The following GPC5 variants were observed in gnomAD, a reference collection of about 807,000 sequenced individuals.
GPC5 encodes glypican-5.
Under a neutral mutation model 53.9 loss-of-function variants are expected in GPC5, and 47 were observed. That is an observed-to-expected ratio of 0.87 (90% CI 0.69 to 1.11). The LOEUF is 1.11. Among genes scored for constraint, GPC5 ranks in the 50% most tolerant of loss-of-function variants. The probability of loss-of-function intolerance (pLI) is 0.00; values close to 1 mark genes in which losing one functional copy is unlikely to be tolerated. For missense variants in GPC5, 748 were observed against 713.1 expected, an observed-to-expected ratio of 1.05 and a Z score of -0.56; for synonymous variants, 286 against 263.3, an observed-to-expected ratio of 1.09 and a Z score of -0.84.
chr13:92,496,501 C>T (rs893552919), intron 7 of GPC5, among the ~76,000 whole-genome samples: 1 of 152,046 alleles, frequency 6.6e-6, no homozygotes, highest in Non-Finnish European at 1.5e-5. Flanking sequence ...ATCTGCCTGC[C>T]CTGGGTACCT....
chr13:91,695,028 A>G lies in GPC5; in HGVS notation c.1020+1147A>G, dbSNP rs112998832. On this transcript the variant is annotated intron_variant, in intron 3 of 7. Transcript: ENST00000377067. ...TCTTCCTAACCTTCAGGGACTTTCC[A>G]GGTCCTGCGTGAGCCTTTATGGTTC... 7.1e-3 allele frequency among the ~76,000 whole-genome samples: 1,085 copies of G among 152,306 alleles called. 14 individuals are homozygous for G. Among genetic ancestry groups the G allele is most frequent in the African/African-American group, 0.024 (992 of 41,572 alleles).
chr13:91,555,274 C>T (rs374406707), intron 2 of GPC5, among the ~76,000 whole-genome samples: 19 of 151,840 alleles, frequency 1.3e-4, no homozygotes, highest in East Asian at 3.9e-4. Context: ...ACATGATAGC[C>T]GATGTTTGAC....
At chr13:92,434,319 A>G (rs1355592740) in intron 7 of GPC5, among the ~76,000 whole-genome samples, 7 of 152,194 alleles carry the variant, frequency 4.6e-5, no homozygotes. Context: ...CAAGAAAAAA[A>G]TGTCTTGAAT....
At chr13:91,556,871 A>T (rs2030987300) in intron 2 of GPC5, among the ~76,000 whole-genome samples, 1 of 151,948 alleles carries the variant, frequency 6.6e-6, no homozygotes, top group Non-Finnish European at 1.5e-5. Context: ...GGTTCAGTAT[A>T]TACTGCTCGG....
chr13:92,371,596 G>T (rs921425493), intron 7 of GPC5, among the ~76,000 whole-genome samples: 1 of 152,116 alleles, frequency 6.6e-6, no homozygotes, highest in African/African-American at 2.4e-5. Flanking sequence ...GGAAACTTAT[G>T]ATCATGGTGG....
intron 4 of GPC5, among the ~76,000 whole-genome samples, chr13:91,732,575 T>A (rs1408348108): frequency 6.6e-6 from 1 of 152,196 alleles, no homozygotes; most frequent in Non-Finnish European, 1.5e-5. Context: ...GCTTTTGGTG[T>A]TTTTATCATG....
At chr13:92,567,228 G>T (rs1411927687) in intron 7 of GPC5, among the ~76,000 whole-genome samples, 1 of 152,044 alleles carries the variant, frequency 6.6e-6, no homozygotes, top group Non-Finnish European at 1.5e-5. Flanking sequence ...AATACTTTTG[G>T]CATTGTCTGC....
intron 5 of GPC5, among the ~76,000 whole-genome samples, chr13:91,850,540 T>C (rs896572404): frequency 6.6e-6 from 1 of 152,306 alleles, no homozygotes; most frequent in East Asian, 1.9e-4. Flanking sequence ...AGTCTGATCT[T>C]CCCTATTCTA....
At chr13:92,477,744 G>A (rs1879209247) in intron 7 of GPC5, among the ~76,000 whole-genome samples, 1 of 152,130 alleles carries the variant, frequency 6.6e-6, no homozygotes, top group Non-Finnish European at 1.5e-5. Context: ...CTGATACCTT[G>A]TAATAAAGGA....
At chr13:92,838,709 G>T (rs571683015) in intron 7 of GPC5, among the ~76,000 whole-genome samples, 2 of 151,848 alleles carry the variant, frequency 1.3e-5, no homozygotes, top group Admixed American at 6.6e-5. Context: ...TATGCCCAAG[G>T]ACATAAAGAA....
At chr13:92,460,197 A>T (rs1268686218) in intron 7 of GPC5, among the ~76,000 whole-genome samples, 1 of 152,180 alleles carries the variant, frequency 6.6e-6, no homozygotes, top group African/African-American at 2.4e-5. Flanking sequence ...ATACAAAACC[A>T]ATTACAGTGC....
chr13:91,483,358 C>A (rs746328854), intron 2 of GPC5, among the ~76,000 whole-genome samples: 4 of 152,294 alleles, frequency 2.6e-5, no homozygotes, highest in East Asian at 3.9e-4. Context: ...TGTCTTACAA[C>A]AATTAATCAA....
chr13:92,662,770 G>A (rs1363872862), intron 7 of GPC5, among the ~76,000 whole-genome samples: 1 of 152,138 alleles, frequency 6.6e-6, no homozygotes, highest in Non-Finnish European at 1.5e-5. Flanking sequence ...TAGCTCTAAA[G>A]TTTAGTTTAC....
chr13:91,664,414 G>T (rs191821578), intron 2 of GPC5, among the ~76,000 whole-genome samples: 8 of 152,284 alleles, frequency 5.3e-5, no homozygotes, highest in African/African-American at 1.9e-4. Context: ...CAGTGGATTT[G>T]TCCCTTGTGT....
chr13:91,901,861 C>G (rs531611095), intron 5 of GPC5, among the ~76,000 whole-genome samples: 5 of 152,026 alleles, frequency 3.3e-5, no homozygotes, highest in Non-Finnish European at 5.9e-5. Flanking sequence ...AGCCACATAA[C>G]CAGGTCATAC....
intron 5 of GPC5, among the ~76,000 whole-genome samples, chr13:91,826,179 T>A (rs2038572875): frequency 3.7e-5 from 3 of 80,594 alleles, no homozygotes; most frequent in African/African-American, 1.5e-4. Context: ...CAGTTAATAT[T>A]AAATAAATGA....
At chr13:92,491,851 T>G (rs944271348) in intron 7 of GPC5, among the ~76,000 whole-genome samples, 1 of 152,180 alleles carries the variant, frequency 6.6e-6, no homozygotes, top group African/African-American at 2.4e-5. Context: ...CAAGTAATAT[T>G]TCTTTTTATT....
intron 2 of GPC5, among the ~76,000 whole-genome samples, chr13:91,525,140 C>T (rs1220745508): frequency 2.6e-5 from 4 of 152,078 alleles, no homozygotes; most frequent in Non-Finnish European, 5.9e-5. Context: ...TCTATACAAA[C>T]GAACTATGTA....
chr13:92,657,358 C>T (rs1164509261), intron 7 of GPC5, among the ~76,000 whole-genome samples: 7 of 152,140 alleles, frequency 4.6e-5, no homozygotes. Flanking sequence ...TGACCAAAGG[C>T]CTCAGCCTGG....
Sources: gnomAD v4.1 joint callset for allele counts (sites outside exome capture counted in the v4.1 genomes callset) on GRCh38, gnomAD v4.1.1 for gene constraint, MANE v1.5 for transcripts, NCBI Gene and HGNC (gene_info 2026-07-23, HGNC 2026-07-21) for gene names.